Variants in ALK observed in about 807,000 individuals in gnomAD.
ALK encodes ALK tyrosine kinase receptor.
In ALK, 74 loss-of-function variants were observed where a neutral mutation model predicts 163.1. The observed-to-expected ratio is 0.45, with a 90% CI of 0.38 to 0.55. The LOEUF is 0.55. Among genes scored for constraint, ALK ranks in the 20% least tolerant of loss-of-function variants. ALK has a pLI of 0.00. For synonymous variants in ALK, 960 were observed against 843.2 expected, an observed-to-expected ratio of 1.14 and a Z score of -2.40; for missense variants, 2,063 against 2,105.3, an observed-to-expected ratio of 0.98 and a Z score of 0.39.
intron 4 of ALK, among the ~76,000 whole-genome samples, chr2:29,415,844 A>G (rs1236158585): frequency 6.6e-6 from 1 of 152,204 alleles, no homozygotes; most frequent in Non-Finnish European, 1.5e-5. Flanking sequence ...TTGAACTAAA[A>G]TATCCACCTT....
At chr2:29,682,287 C>T (rs1678094818) in intron 3 of ALK, among the ~76,000 whole-genome samples, 1 of 152,194 alleles carries the variant, frequency 6.6e-6, no homozygotes, top group African/African-American at 2.4e-5. Context: ...ATTATGGATG[C>T]TCTCTAGAGA....
Position 29,721,792 on chromosome 2 carries a change from A to G in ALK, c.668-4095T>C, listed in dbSNP as rs550107567. 3.9e-5 allele frequency among the ~76,000 whole-genome samples: 6 copies of G among 152,308 alleles called. No individual in the cohort carries two copies. The South Asian group carries it at 1.0e-3, about 26-fold the overall frequency. On this transcript the variant is annotated intron_variant, in intron 1 of 28. Coordinates refer to ENST00000389048, the MANE Select transcript of ALK (RefSeq NM_004304.5). ...CACACAAACATGCACCATCTTATAA[A>G]GAAAGAAAAAGCTTCTTTGACTGCC... is the stretch of plus-strand genomic sequence containing the variant.
At chr2:29,641,897 A>G (rs1676713995) in intron 3 of ALK, among the ~76,000 whole-genome samples, 1 of 152,172 alleles carries the variant, frequency 6.6e-6, no homozygotes, top group Non-Finnish European at 1.5e-5. Flanking sequence ...GCTATCCCTA[A>G]TGGGGGATCA....
intron 1 of ALK, among the ~76,000 whole-genome samples, chr2:29,823,618 G>A (rs1665111394): frequency 6.6e-6 from 1 of 152,152 alleles, no homozygotes; most frequent in South Asian, 2.1e-4. Flanking sequence ...AAAGAGATTG[G>A]TGGCATTTTG....
At chr2:29,434,631 T>G (rs1670355501) in intron 4 of ALK, among the ~76,000 whole-genome samples, 1 of 152,226 alleles carries the variant, frequency 6.6e-6, no homozygotes, top group Non-Finnish European at 1.5e-5. Context: ...TGGTTTGGTC[T>G]TTAGAGTTTG....
At chr2:29,584,964 G>A (rs1048376182) in intron 3 of ALK, among the ~76,000 whole-genome samples, 10 of 152,246 alleles carry the variant, frequency 6.6e-5, no homozygotes, top group South Asian at 2.1e-4. Context: ...AAAGCACTTC[G>A]TGTGCTTTGC....
At chr2:29,339,242 CA>C (rs35376835) in intron 5 of ALK, among the ~76,000 whole-genome samples, 227 of 135,010 alleles carry the variant, frequency 1.7e-3, no homozygotes, top group Middle Eastern at 7.8e-3. Context: ...GACTCTATCT[CA>C]AAAAAAAAAA....
At chr2:29,275,347 AGGCCATG>A (rs1412741859) in intron 10 of ALK, 48 bp downstream of exon 10, 5 of 1,608,104 alleles carry the variant, frequency 3.1e-6, no homozygotes, top group Admixed American at 3.3e-5. Flanking sequence ...GGGGACAATG[AGGCCATG>A]GGCCATGGGG....
At chr2:29,383,961 T>A in intron 4 of ALK, 102 bp from the exon 5 acceptor site, 1 of 1,441,824 alleles carries the variant, frequency 6.9e-7, no homozygotes. Flanking sequence ...ACTTCAGGAC[T>A]CACATTCTTC....
At chr2:29,374,432 GA>G (rs34034791) in intron 5 of ALK, among the ~76,000 whole-genome samples, 634 of 138,640 alleles carry the variant, frequency 4.6e-3, no homozygotes, top group African/African-American at 0.011. Context: ...TGCTTGCCAT[GA>G]AAAAAAAAAA....
intron 4 of ALK, among the ~76,000 whole-genome samples, chr2:29,506,800 CG>C (rs1558356397): frequency 1.3e-5 from 2 of 151,644 alleles, no homozygotes; most frequent in Non-Finnish European, 2.9e-5. Context: ...TAAAGAAGAC[CG>C]AAACAGTGTT....
intron 1 of ALK, chr2:29,899,774 T>A (rs1460512737): frequency 6.7e-6 from 1 of 148,450 alleles, no homozygotes; most frequent in Non-Finnish European, 1.5e-5. Context: ...TGCAGTGAGC[T>A]GAGATAACAC....
intron 3 of ALK, among the ~76,000 whole-genome samples, chr2:29,549,350 A>G (rs1673655725): frequency 6.6e-6 from 1 of 152,184 alleles, no homozygotes; most frequent in Non-Finnish European, 1.5e-5. Flanking sequence ...GCCACCTCTC[A>G]TTAGTTGGGT....
chr2:29,507,912 C>T (rs1204426466), intron 4 of ALK, among the ~76,000 whole-genome samples: 7 of 152,120 alleles, frequency 4.6e-5, no homozygotes, highest in East Asian at 3.9e-4. Context: ...GTGGCTCTGC[C>T]GGCAGTCAGA....
At chr2:29,382,150 G>A (rs922121726) in intron 5 of ALK, among the ~76,000 whole-genome samples, 7 of 152,164 alleles carry the variant, frequency 4.6e-5, no homozygotes, top group African/African-American at 1.7e-4. Flanking sequence ...CTTTCTCTAG[G>A]GAATCAGAGG....
At chr2:29,254,214 T>C (rs1179435091) in intron 11 of ALK, among the ~76,000 whole-genome samples, 1 of 152,220 alleles carries the variant, frequency 6.6e-6, no homozygotes, top group Non-Finnish European at 1.5e-5. Context: ...TAAACCTCTT[T>C]CCTTTATAAA....
intron 1 of ALK, among the ~76,000 whole-genome samples, chr2:29,846,610 T>C (rs1665849762): frequency 6.6e-6 from 1 of 152,186 alleles, no homozygotes; most frequent in South Asian, 2.1e-4. Context: ...TGGTCAGTGC[T>C]GTACCAAAGT....
intron 1 of ALK, among the ~76,000 whole-genome samples, chr2:29,796,113 CTAGGTAT>C (rs1330899484): frequency 6.6e-6 from 1 of 152,138 alleles, no homozygotes; most frequent in Admixed American, 6.6e-5. Flanking sequence ...AACAGAAGAT[CTAGGTAT>C]TATGGCAGAA....
chr2:29,380,234 G>C (rs1668862907), intron 5 of ALK, among the ~76,000 whole-genome samples: 1 of 150,940 alleles, frequency 6.6e-6, no homozygotes, highest in African/African-American at 2.4e-5. Context: ...GCCTCCCGGG[G>C]AGCTGGGACT....
Sources: allele counts gnomAD v4.1 joint callset (sites outside exome capture counted in the v4.1 genomes callset), GRCh38; gene constraint gnomAD v4.1.1; transcripts MANE v1.5; gene names NCBI Gene and HGNC (gene_info 2026-07-23, HGNC 2026-07-21).